The following SCHIP1 variants were observed in gnomAD, a reference collection of about 807,000 sequenced individuals.
SCHIP1 encodes the protein schwannomin-interacting protein 1.
A neutral mutation model predicts 29.7 loss-of-function variants in SCHIP1; 8 were observed. The ratio of observed to expected loss-of-function variants is 0.27; its 90% CI spans 0.16 to 0.49. The LOEUF (loss-of-function observed/expected upper bound fraction) is 0.49, where lower values mean the gene tolerates loss of function less well. Ranked by LOEUF, SCHIP1 falls within the 20% of genes least tolerant of loss-of-function variation. SCHIP1 has a pLI of 0.99. For synonymous variants in SCHIP1, 76 were observed against 94.9 expected (o/e 0.80, Z 1.16); for missense variants, 193 against 294.6 (o/e 0.66, Z 2.52).
chr3:159,767,145 T>C, the SCHIP1 span, among the ~76,000 whole-genome samples: 69 of 152,330 alleles, frequency 4.5e-4, no homozygotes, highest in African/African-American at 1.6e-3. Flanking sequence ...GATTTTTTCA[T>C]GTTTTGGTTT....
the SCHIP1 span, among the ~76,000 whole-genome samples, chr3:159,703,219 G>A: frequency 6.6e-6 from 1 of 152,184 alleles, no homozygotes; most frequent in Non-Finnish European, 1.5e-5. Context: ...TTCATTTGCA[G>A]TACCAAGGAG....
chr3:159,557,569 G>A, the SCHIP1 span, among the ~76,000 whole-genome samples: 25 of 152,140 alleles, frequency 1.6e-4, no homozygotes, highest in African/African-American at 3.1e-4. Flanking sequence ...TAATCCCATC[G>A]TGTTGGGAGG....
the SCHIP1 span, chr3:159,306,640 A>T: frequency 1.1e-5 from 8 of 710,136 alleles, no homozygotes; most frequent in Non-Finnish European, 1.4e-5. Flanking sequence ...TATTTCTAAT[A>T]ATGTTTTAAG....
At chr3:159,525,785 C>T in the SCHIP1 span, among the ~76,000 whole-genome samples, 3 of 152,102 alleles carry the variant, frequency 2.0e-5, no homozygotes, top group African/African-American at 7.2e-5. Flanking sequence ...ATGGGCAGGC[C>T]GAGGGGGAGG....
chr3:159,856,334 C>T (rs758354591), intron 1 of SCHIP1, among the ~76,000 whole-genome samples: 1 of 152,142 alleles, frequency 6.6e-6, no homozygotes, highest in Non-Finnish European at 1.5e-5. Context: ...GAACAAACTA[C>T]ATGGAACTGA....
At chr3:159,613,773 A>C in the SCHIP1 span, among the ~76,000 whole-genome samples, 1 of 152,230 alleles carries the variant, frequency 6.6e-6, no homozygotes, top group African/African-American at 2.4e-5. Flanking sequence ...ATAGGTCCTC[A>C]AAAAGAAGTT....
the SCHIP1 span, among the ~76,000 whole-genome samples, chr3:159,574,072 G>A: frequency 2.6e-5 from 4 of 152,206 alleles, no homozygotes; most frequent in Non-Finnish European, 5.9e-5. Flanking sequence ...CTTTGGCTCA[G>A]AGAAGTTTAT....
At chr3:159,277,151 GA>G in the SCHIP1 span, among the ~76,000 whole-genome samples, 3 of 151,598 alleles carry the variant, frequency 2.0e-5, no homozygotes, top group Non-Finnish European at 2.9e-5. Context: ...ACAATGGCAG[GA>G]AAAAAAAACC....
chr3:159,384,319 GC>G, the SCHIP1 span, among the ~76,000 whole-genome samples: 1 of 151,796 alleles, frequency 6.6e-6, no homozygotes, highest in Admixed American at 6.6e-5. Context: ...TTAGCATGAA[GC>G]GTTGTTGAAT....
chr3:159,365,929 C>A, the SCHIP1 span, among the ~76,000 whole-genome samples: 2 of 152,092 alleles, frequency 1.3e-5, no homozygotes, highest in African/African-American at 4.8e-5. Flanking sequence ...CTTTGGGTTC[C>A]CAACAACCAC....
chr3:159,755,706 A>G, the SCHIP1 span, among the ~76,000 whole-genome samples: 1 of 152,190 alleles, frequency 6.6e-6, no homozygotes, highest in Non-Finnish European at 1.5e-5. Flanking sequence ...AGTCCCTTCC[A>G]CCTATGAGCC....
chr3:159,628,206 C>T, the SCHIP1 span, among the ~76,000 whole-genome samples: 1 of 146,148 alleles, frequency 6.8e-6, no homozygotes, highest in Non-Finnish European at 1.5e-5. Flanking sequence ...GGGACTTACA[C>T]TAGAGACCTA....
chr3:159,419,186 T>C, the SCHIP1 span, among the ~76,000 whole-genome samples: 1 of 152,222 alleles, frequency 6.6e-6, no homozygotes, highest in Non-Finnish European at 1.5e-5. Flanking sequence ...CCTGCTGACC[T>C]TCCTGAGTGA....
At chr3:159,359,059 C>G in the SCHIP1 span, among the ~76,000 whole-genome samples, 3 of 151,540 alleles carry the variant, frequency 2.0e-5, no homozygotes, top group East Asian at 2.0e-4. Flanking sequence ...TCCCGAGTAG[C>G]TGGGACTACA....
the SCHIP1 span, among the ~76,000 whole-genome samples, chr3:159,814,655 A>G: frequency 6.6e-6 from 1 of 152,090 alleles, no homozygotes; most frequent in Non-Finnish European, 1.5e-5. Flanking sequence ...CGAGCCCCCG[A>G]TGTTCTGTTT....
At chr3:159,602,595 G>A in the SCHIP1 span, among the ~76,000 whole-genome samples, 18 of 152,026 alleles carry the variant, frequency 1.2e-4, no homozygotes, top group East Asian at 3.5e-3. Context: ...TGTAATCCCA[G>A]CTACTCGGGA....
intron 1 of SCHIP1, among the ~76,000 whole-genome samples, chr3:159,857,632 T>G (rs181882340): frequency 4.5e-4 from 69 of 152,238 alleles, no homozygotes; most frequent in Admixed American, 1.0e-3. Context: ...GCTAATTTAC[T>G]TTATGTATTT....
intron 1 of SCHIP1, 136 bp from the exon 3 acceptor site, chr3:159,866,027 A>G (rs562237739): frequency 4.0e-6 from 3 of 754,390 alleles, no homozygotes; most frequent in Non-Finnish European, 6.5e-6. Context: ...TAATAATTCA[A>G]ATACTCTTAT....
chr3:159,288,660 CT>C, the SCHIP1 span, among the ~76,000 whole-genome samples: 1 of 152,190 alleles, frequency 6.6e-6, no homozygotes, highest in Admixed American at 6.5e-5. Context: ...ATTGCTTGAA[CT>C]TTGGAGGCAG....
Sources: gnomAD v4.1 joint callset for allele counts (sites outside exome capture counted in the v4.1 genomes callset) on GRCh38, gnomAD v4.1.1 for gene constraint, MANE v1.5 for transcripts, NCBI Gene and HGNC (gene_info 2026-07-23, HGNC 2026-07-21) for gene names.